The following PRKDC variants were observed in gnomAD, a reference collection of about 807,000 sequenced individuals.
PRKDC encodes DNA-dependent protein kinase catalytic subunit.
In PRKDC, 82 loss-of-function variants were observed where a neutral mutation model predicts 486.9. That is an observed-to-expected ratio of 0.17 (90% CI 0.14 to 0.20). The LOEUF (loss-of-function observed/expected upper bound fraction) is 0.20, where lower values mean the gene tolerates loss of function less well. Among genes scored for constraint, PRKDC ranks in the 10% least tolerant of loss-of-function variants. PRKDC has a pLI of 1.00. For synonymous variants in PRKDC, 1,895 were observed against 1,837.0 expected (o/e 1.03, Z -0.81); for missense variants, 4,504 against 5,038.2 (o/e 0.89, Z 3.21).
At chr8:47,879,446 A>G in intron 39 of PRKDC, 45 bp downstream of exon 39, 2 of 1,477,042 alleles carry the variant, frequency 1.4e-6, no homozygotes, top group South Asian at 2.7e-5. Flanking sequence ...TAACAAGAAA[A>G]AAAAAACAGT....
intron 52 of PRKDC, among the ~76,000 whole-genome samples, chr8:47,850,296 ACT>A (rs2088372979): frequency 6.6e-6 from 1 of 152,178 alleles, no homozygotes. Flanking sequence ...TTCAATGCAA[ACT>A]CAACACAGAC....
intron 21 of PRKDC, among the ~76,000 whole-genome samples, chr8:47,924,469 AG>A (rs1296230326): frequency 6.6e-6 from 1 of 152,112 alleles, no homozygotes; most frequent in Non-Finnish European, 1.5e-5. Flanking sequence ...CTGAGGTGGA[AG>A]GACCACTTGA....
Position 47,837,173 on chromosome 8 carries a change from C to T in PRKDC, c.7761+39G>A, listed in dbSNP as rs759654035. On this transcript the variant is annotated intron_variant, in intron 57 of 85. Coordinates refer to ENST00000314191, the MANE Select transcript of PRKDC (RefSeq NM_006904.7). ...AAAAATGTTCATGAACAGGAAAAGC[C>T]TATAATATTCACTACTATGAGAGAG... 8 of 1,547,886 alleles carry T rather than the reference C, an allele frequency of 5.2e-6. No individual in the cohort carries two copies. The East Asian group carries it at 1.4e-4, about 26-fold the overall frequency.
At chr8:47,855,490 G>A in intron 49 of PRKDC, 117 bp from the exon 50 acceptor site, 1 of 1,078,776 alleles carries the variant, frequency 9.3e-7, no homozygotes, top group Non-Finnish European at 1.3e-6. Flanking sequence ...GGCTCCTGTT[G>A]AAAGCCCTGT....
chr8:47,951,965 G>A (rs1374041412), intron 7 of PRKDC, among the ~76,000 whole-genome samples: 2 of 152,152 alleles, frequency 1.3e-5, no homozygotes, highest in African/African-American at 2.4e-5. Context: ...CACAGAAAAT[G>A]ACAAGTTAGT....
chr8:47,931,276 A>C (rs568634936), intron 16 of PRKDC, among the ~76,000 whole-genome samples: 5 of 152,350 alleles, frequency 3.3e-5, no homozygotes, highest in Admixed American at 1.3e-4. Context: ...AATGTTGCAC[A>C]AGTAGTTAGA....
chr8:47,934,626 A>C (rs1430398606), intron 14 of PRKDC, among the ~76,000 whole-genome samples: 1 of 152,250 alleles, frequency 6.6e-6, no homozygotes, highest in Admixed American at 6.5e-5. Context: ...CTTCAATACA[A>C]TATCCACTGA....
At chr8:47,938,731 T>G (rs1314224489) in intron 11 of PRKDC, among the ~76,000 whole-genome samples, 2 of 152,054 alleles carry the variant, frequency 1.3e-5, no homozygotes, top group Non-Finnish European at 2.9e-5. Context: ...CCGGCTAATT[T>G]TTGTATTTTT....
chr8:47,889,315 A>T, intron 32 of PRKDC, 93 bp from the exon 33 acceptor site: 1 of 1,085,872 alleles, frequency 9.2e-7, no homozygotes, highest in Non-Finnish European at 1.3e-6. Context: ...CTTCTGCCTG[A>T]CTAAGGGAGA....
Position 47,866,679 on chromosome 8 carries a change from T to C in PRKDC, c.5364-1916A>G, listed in dbSNP as rs372005132. 1.8e-4 allele frequency among the ~76,000 whole-genome samples: 28 copies of C among 152,276 alleles called. 1 individual carries two copies. The highest frequency in any genetic ancestry group is 6.5e-4 in the African/African-American group (27 of 41,552). Reference sequence around the variant, plus strand: ...TATAAATTGGAAAAAATCTGAATGTTTCACAATGTTGGCCAGACAGTAGTG... The same window carrying C: ...TATAAATTGGAAAAAATCTGAATGTCTCACAATGTTGGCCAGACAGTAGTG... On this transcript the variant is annotated intron_variant, in intron 40 of 85. Transcript: ENST00000314191.
At chr8:47,816,864 A>G (rs1255547340) in intron 68 of PRKDC, among the ~76,000 whole-genome samples, 1 of 152,046 alleles carries the variant, frequency 6.6e-6, no homozygotes, top group Non-Finnish European at 1.5e-5. Flanking sequence ...ATGGGAGACC[A>G]TGACACTTGG....
In PRKDC at chr8:47,953,909, T is replaced by C; in HGVS notation, c.519A>G (p.Lys173=). The change falls in exon 6 of 86, where the codon AAA becomes AAG. Residue 173 remains lysine (K), a synonymous_variant. Coordinates refer to ENST00000314191, the MANE Select transcript of PRKDC (RefSeq NM_006904.7). Reference sequence around the variant, plus strand: ...CCAATAATCCTAGGAGCTCATATACTTTTTCTAAAACTGAAAAGAAAATTT... The same window carrying C: ...CCAATAATCCTAGGAGCTCATATACCTTTTCTAAAACTGAAAAGAAAATTT... ...KKKIPDTVLE[K]VYELLGLLGE... 1 of 1,527,398 alleles carries C rather than the reference T, an allele frequency of 6.5e-7. No individual in the cohort carries two copies. 94.6% of individuals were successfully genotyped at this position (1,527,398 alleles called of 1,614,324 possible).
intron 68 of PRKDC, among the ~76,000 whole-genome samples, chr8:47,811,202 C>CAA (rs2087319042): frequency 1.3e-5 from 2 of 152,174 alleles, no homozygotes; most frequent in African/African-American, 4.8e-5. Context: ...TGACACATTA[C>CAA]ATGTGGGCCA....
intron 50 of PRKDC, among the ~76,000 whole-genome samples, chr8:47,854,791 AT>A (rs1280236436): frequency 6.6e-6 from 1 of 152,170 alleles, no homozygotes; most frequent in Non-Finnish European, 1.5e-5. Context: ...TCCTGTTCAC[AT>A]CCAGGTTCCT....
chr8:47,816,206 CA>C (rs111281154), intron 68 of PRKDC, among the ~76,000 whole-genome samples: 275 of 145,036 alleles, frequency 1.9e-3, no homozygotes, highest in Non-Finnish European at 2.0e-3. Context: ...AAGACTGCAT[CA>C]AAAAAAAAAA....
intron 73 of PRKDC, among the ~76,000 whole-genome samples, chr8:47,795,879 A>C (rs957200745): frequency 1.3e-5 from 2 of 151,342 alleles, no homozygotes; most frequent in East Asian, 3.9e-4. Context: ...AAATTGTAAT[A>C]AACATTGGTA....
intron 69 of PRKDC, among the ~76,000 whole-genome samples, chr8:47,804,272 A>C (rs1456217416): frequency 6.7e-6 from 1 of 149,992 alleles, no homozygotes; most frequent in East Asian, 1.9e-4. Context: ...TGGCTGAATA[A>C]TACTCCATTG....
intron 67 of PRKDC, 55 bp downstream of exon 67, chr8:47,819,347 G>T: frequency 1.7e-6 from 2 of 1,175,220 alleles, no homozygotes; most frequent in Non-Finnish European, 2.4e-6. Context: ...TAATTTAGAT[G>T]CTAAAACTCT....
chr8:47,868,028 C>T (rs930092703), intron 40 of PRKDC, among the ~76,000 whole-genome samples: 3 of 152,266 alleles, frequency 2.0e-5, no homozygotes, highest in African/African-American at 7.2e-5. Context: ...TTCATTCTTA[C>T]AATAAACACC....
Sources: gnomAD v4.1 joint callset for allele counts (sites outside exome capture counted in the v4.1 genomes callset) on GRCh38, gnomAD v4.1.1 for gene constraint, MANE v1.5 for transcripts, NCBI Gene and HGNC (gene_info 2026-07-23, HGNC 2026-07-21) for gene names.